The following STARD13 variants were observed in gnomAD, a reference collection of about 807,000 sequenced individuals.
STARD13 encodes the protein StAR related lipid transfer domain containing 13.
A neutral mutation model predicts 106.4 loss-of-function variants in STARD13; 62 were observed. The ratio of observed to expected loss-of-function variants is 0.58; its 90% CI spans 0.48 to 0.72. The LOEUF is 0.72. STARD13 is among the 30% of genes least tolerant of loss of function. The probability of loss-of-function intolerance (pLI) is 0.00; values close to 1 mark genes in which losing one functional copy is unlikely to be tolerated. For missense variants in STARD13, 1,387 were observed against 1,424.0 expected (o/e 0.97, Z 0.42); for synonymous variants, 565 against 553.0 (o/e 1.02, Z -0.31).
At position 33,130,119 on chromosome 13, in the gene STARD13, G is replaced by A. The variant is rs774688547; in HGVS notation, c.558C>T (p.Val186=). 1.9e-6 allele frequency: 3 copies of A among 1,614,108 alleles called. No homozygotes were observed. Among genetic ancestry groups the A allele is most frequent in the Non-Finnish European group, 2.5e-6 (3 of 1,180,022 alleles). The change falls in exon 5 of 14, where the codon GTC becomes GTT. Residue 186 remains valine, a synonymous_variant. Transcript: ENST00000336934. The surrounding 1 kb of genome is among the most constrained non-coding windows in gnomAD (Gnocchi z 4.1). ...GMRNTTSSES[V]LTDLSEPEVC... ...CCTCAGGCTCGCTCAGGTCTGTGAG[G>A]ACGCTCTCACTGCTGGTCGTGTTCC...
chr13:33,673,644 G>A, the STARD13 span, among the ~76,000 whole-genome samples: 7 of 147,672 alleles, frequency 4.7e-5, no homozygotes, highest in Admixed American at 1.4e-4. Context: ...CCTGGTTCAA[G>A]CAATTCTCCT....
chr13:33,353,502 G>A (rs182548376), upstream of STARD13, among the ~76,000 whole-genome samples: 1 of 152,110 alleles, frequency 6.6e-6, no homozygotes, highest in Non-Finnish European at 1.5e-5. Flanking sequence ...CCTTCTTAAG[G>A]CCTGACAGGC....
chr13:33,133,686 T>C (rs1335517321), intron 4 of STARD13, among the ~76,000 whole-genome samples: 1 of 152,074 alleles, frequency 6.6e-6, no homozygotes, highest in African/African-American at 2.4e-5. Flanking sequence ...TAAGTAATTA[T>C]CCTTGTTTGT....
At chr13:33,269,191 T>C (rs951618246) in intron 1 of STARD13, among the ~76,000 whole-genome samples, 14 of 152,174 alleles carry the variant, frequency 9.2e-5, no homozygotes, top group Admixed American at 3.9e-4. Context: ...AGTATCAGCT[T>C]AGTAACTACC....
At chr13:33,537,514 A>G in the STARD13 span, among the ~76,000 whole-genome samples, 3 of 152,200 alleles carry the variant, frequency 2.0e-5, no homozygotes, top group Non-Finnish European at 2.9e-5. Flanking sequence ...ATAACGCTCA[A>G]TTACACCCAT....
the STARD13 span, among the ~76,000 whole-genome samples, chr13:33,636,345 G>C: frequency 6.6e-6 from 1 of 152,072 alleles, no homozygotes; most frequent in African/African-American, 2.4e-5. Context: ...GGGAAACTTG[G>C]AGGCTCAGCA....
the STARD13 span, among the ~76,000 whole-genome samples, chr13:33,507,759 A>G: frequency 1.5e-4 from 23 of 152,324 alleles, no homozygotes; most frequent in African/African-American, 5.3e-4. Context: ...TGTTGTATGT[A>G]TTATATACTG....
the STARD13 span, among the ~76,000 whole-genome samples, chr13:33,619,926 T>A: frequency 6.6e-6 from 1 of 152,032 alleles, no homozygotes; most frequent in Non-Finnish European, 1.5e-5. Context: ...TAGCTGGGCG[T>A]GGTGGTGCAC....
Position 33,118,054 on chromosome 13 carries a change from T to C in STARD13, c.2281+11A>G. The C allele has an allele frequency of 6.2e-7, 1 of 1,613,852 alleles. No homozygotes were observed. Among genetic ancestry groups the C allele is most frequent in the Non-Finnish European group, 8.5e-7 (1 of 1,179,744 alleles). On this transcript the variant is annotated intron_variant, in intron 8 of 13. Transcript: ENST00000336934. ...GCCCACGAGAACACCAATCTCATTATTTCCACTTACACTGATAGATATGGA... is the reference window on the plus strand; with the variant it reads ...GCCCACGAGAACACCAATCTCATTACTTCCACTTACACTGATAGATATGGA...
the STARD13 span, among the ~76,000 whole-genome samples, chr13:33,427,492 T>C: frequency 6.6e-6 from 1 of 152,198 alleles, no homozygotes; most frequent in Non-Finnish European, 1.5e-5. Flanking sequence ...CACGCCAGTT[T>C]TCACGAGCCA....
At chr13:33,164,906 C>G (rs1256229856) in intron 3 of STARD13, among the ~76,000 whole-genome samples, 1 of 152,164 alleles carries the variant, frequency 6.6e-6, no homozygotes, top group Admixed American at 6.5e-5. Context: ...GTTTGACACA[C>G]TCGTAGTTTT....
the STARD13 span, among the ~76,000 whole-genome samples, chr13:33,673,473 G>T: frequency 6.6e-6 from 1 of 151,568 alleles, no homozygotes; most frequent in African/African-American, 2.4e-5. Context: ...ACATGATTTT[G>T]CCATATTAGA....
chr13:33,609,104 A>AG, the STARD13 span, among the ~76,000 whole-genome samples: 1 of 150,832 alleles, frequency 6.6e-6, no homozygotes, highest in Non-Finnish European at 1.5e-5. Context: ...AAAAAAAAAA[A>AG]AAAATATTGA....
Position 33,140,559 on chromosome 13 carries a change from G to A in STARD13, c.387+1751C>T, listed in dbSNP as rs763360609. On this transcript the variant is annotated intron_variant, in intron 4 of 13. Coordinates refer to ENST00000336934, the MANE Select transcript of STARD13 (RefSeq NM_178006.4). Reference sequence around the variant, plus strand: ...CACTGTTTTACCTCCTCAGCTTAAAGCTTTGGTTCCCAGCTCAAATCCCAA... The same window carrying A: ...CACTGTTTTACCTCCTCAGCTTAAAACTTTGGTTCCCAGCTCAAATCCCAA... Among the ~76,000 whole-genome samples the A allele has an allele frequency of 1.7e-4, 26 of 152,096 alleles. 1 individual carries two copies. The highest frequency in any genetic ancestry group is 3.7e-4 in the Non-Finnish European group (25 of 68,030).
the STARD13 span, among the ~76,000 whole-genome samples, chr13:33,487,047 C>T: frequency 6.6e-6 from 1 of 152,132 alleles, no homozygotes; most frequent in Admixed American, 6.6e-5. Context: ...GGTTATTGGT[C>T]TCTGTCATAT....
At chr13:33,320,161 G>A (rs1566137340) in intron 1 of STARD13, among the ~76,000 whole-genome samples, 1 of 152,236 alleles carries the variant, frequency 6.6e-6, no homozygotes, top group Non-Finnish European at 1.5e-5. Flanking sequence ...ATTGCAGATA[G>A]AGATGTGTTT....
At chr13:33,133,759 T>G (rs979790010) in intron 4 of STARD13, among the ~76,000 whole-genome samples, 1 of 152,186 alleles carries the variant, frequency 6.6e-6, no homozygotes, top group Non-Finnish European at 1.5e-5. Context: ...TTGTTTGTGA[T>G]CCACCAAATT....
At chr13:33,142,094 T>C (rs1383323182) in intron 4 of STARD13, among the ~76,000 whole-genome samples, 1 of 152,204 alleles carries the variant, frequency 6.6e-6, no homozygotes, top group Non-Finnish European at 1.5e-5. Flanking sequence ...AGTGGCATGA[T>C]CATGGCTCAC....
intron 1 of STARD13, among the ~76,000 whole-genome samples, chr13:33,172,350 G>A (rs1200856114): frequency 1.3e-5 from 2 of 152,222 alleles, no homozygotes; most frequent in Non-Finnish European, 1.5e-5. Flanking sequence ...AGGTAGCCAA[G>A]AGAAAAGAGT....
Sources: allele counts gnomAD v4.1 joint callset (sites outside exome capture counted in the v4.1 genomes callset), GRCh38; gene constraint gnomAD v4.1.1; non-coding constraint Gnocchi (gnomAD v3.1); transcripts MANE v1.5; gene names NCBI Gene and HGNC (gene_info 2026-07-23, HGNC 2026-07-21).